SYNE3: variants seen among roughly 807,000 people sequenced by gnomAD.
The protein encoded by SYNE3 is nesprin-3.
Under a neutral mutation model 111.2 loss-of-function variants are expected in SYNE3, and 100 were observed. The ratio of observed to expected loss-of-function variants is 0.90; its 90% CI spans 0.77 to 1.06. The LOEUF is 1.06. Ranked by LOEUF, SYNE3 falls within the 50% of genes least tolerant of loss-of-function variation. SYNE3 has a pLI of 0.00. For missense variants in SYNE3, 1,160 were observed against 1,240.3 expected (o/e 0.94, Z 0.97); for synonymous variants, 547 against 533.9 (o/e 1.02, Z -0.34).
chr14:95,480,861 T>G (rs573567143), intron 1 of SYNE3, among the ~76,000 whole-genome samples: 22 of 152,328 alleles, frequency 1.4e-4, no homozygotes, highest in Admixed American at 8.5e-4. Flanking sequence ...CCACCCCGTT[T>G]GGGCCTCCTG....
At chr14:95,494,940 C>T (rs953567979) in intron 1 of SYNE3, among the ~76,000 whole-genome samples, 13 of 151,954 alleles carry the variant, frequency 8.6e-5, no homozygotes, top group African/African-American at 2.4e-4. Flanking sequence ...GGTGAAACCC[C>T]GTCTCTACTA....
At chr14:95,438,591 G>A (rs1257222646) in intron 14 of SYNE3, 2 of 169,116 alleles carry the variant, frequency 1.2e-5, no homozygotes, top group Non-Finnish European at 2.6e-5. Flanking sequence ...TGAATAACAA[G>A]GAATAACTTT....
chr14:95,440,448 CG>C (rs1886354144), intron 11 of SYNE3, among the ~76,000 whole-genome samples: 1 of 152,168 alleles, frequency 6.6e-6, no homozygotes, highest in Non-Finnish European at 1.5e-5. Context: ...ATTCCACTCC[CG>C]GTGTATGTCC....
At chr14:95,487,069 C>T (rs1053854641) in intron 1 of SYNE3, among the ~76,000 whole-genome samples, 1 of 152,182 alleles carries the variant, frequency 6.6e-6, no homozygotes, top group South Asian at 2.1e-4. Flanking sequence ...GTCCTTCCCC[C>T]ACTCTGCCCC....
In SYNE3 at chr14:95,409,516, T is replaced by G. The variant is rs1903378863; in HGVS notation, c.*8310A>C. On this transcript the variant is annotated 3_prime_UTR_variant, in exon 18 of 18. Coordinates refer to ENST00000682763, the MANE Select transcript of SYNE3 (RefSeq NM_152592.6). Reference sequence around the variant, plus strand: ...CCGAGGTCCCTCCTTATGATTGCTGTCTCTCGGCTGGACAAGGTGGTTGGG... The same window carrying G: ...CCGAGGTCCCTCCTTATGATTGCTGGCTCTCGGCTGGACAAGGTGGTTGGG... 1 of 399,770 alleles carries G rather than the reference T, an allele frequency of 2.5e-6. No individual in the cohort carries two copies. Among genetic ancestry groups the G allele is most frequent in the South Asian group, 1.9e-5 (1 of 52,954 alleles). The allele number at this position is 399,770 out of a possible 1,614,324, so 24.8% of individuals were successfully genotyped here. A position where few individuals can be genotyped will look rare whatever the true frequency, so the allele number is the denominator to read the frequency against.
chr14:95,480,058 T>A (rs1226842661), intron 1 of SYNE3, among the ~76,000 whole-genome samples: 9 of 133,032 alleles, frequency 6.8e-5, no homozygotes, highest in African/African-American at 3.0e-4. Context: ...GATTAAAAAA[T>A]AAATAAATAA....
At chr14:95,499,492 C>T (rs995882938) in intron 1 of SYNE3, among the ~76,000 whole-genome samples, 22 of 152,144 alleles carry the variant, frequency 1.4e-4, no homozygotes, top group African/African-American at 5.1e-4. Flanking sequence ...TGGCTACATT[C>T]ACCCATTGGC....
At chr14:95,451,461 A>T (rs1182839066) in intron 7 of SYNE3, 1 of 152,076 alleles carries the variant, frequency 6.6e-6, no homozygotes, top group Admixed American at 6.6e-5. Context: ...ACCCTTGGCC[A>T]CTCTGTCTCC....
At chr14:95,438,614 G>A in intron 14 of SYNE3, 1 of 173,296 alleles carries the variant, frequency 5.8e-6, no homozygotes, top group Non-Finnish European at 1.3e-5. Flanking sequence ...TTTCCACAAA[G>A]CTCAAGTTTG....
rs2139314765 is a variant in SYNE3, at chr14:95,409,435, T to C, written c.*8391A>G. 1 of 453,932 alleles carries C rather than the reference T, an allele frequency of 2.2e-6. No homozygotes were observed. The highest frequency in any genetic ancestry group is 4.4e-6 in the Non-Finnish European group (1 of 225,734). 28.1% of individuals were successfully genotyped at this position (453,932 alleles called of 1,614,324 possible). ...GGATGGGCTGGCCTGGTGTTCCTGG[T>C]TGCTGAGCTCAGAAGCAAGCGTTTC... On this transcript the variant is annotated 3_prime_UTR_variant, in exon 18 of 18. Transcript: ENST00000682763.
At chr14:95,488,754 G>GGAGAGGAGA (rs1889689175) in intron 1 of SYNE3, among the ~76,000 whole-genome samples, 1 of 98,880 alleles carries the variant, frequency 1.0e-5, no homozygotes, top group African/African-American at 3.6e-5. Context: ...AGGAGAGGAG[G>GGAGAGGAGA]GACTGCAAAA....
At position 95,410,481 on chromosome 14, in the gene SYNE3, G is replaced by A; in HGVS notation, c.*7345C>T. On this transcript the variant is annotated 3_prime_UTR_variant, in exon 18 of 18. Coordinates refer to ENST00000682763, the MANE Select transcript of SYNE3 (RefSeq NM_152592.6). ...GATGAGAACGGAAGTGGCTGGTGGAGCTTCTGGGAAAGCTGCTAATGAGGA... is the reference window on the plus strand; with the variant it reads ...GATGAGAACGGAAGTGGCTGGTGGAACTTCTGGGAAAGCTGCTAATGAGGA... The A allele has an allele frequency of 6.6e-6, 1 of 152,266 alleles. No homozygotes were observed. Among genetic ancestry groups the A allele is most frequent in the East Asian group, 1.9e-4 (1 of 5,194 alleles). 9.4% of individuals were successfully genotyped at this position (152,266 alleles called of 1,614,324 possible). A position where few individuals can be genotyped will look rare whatever the true frequency, so the allele number is the denominator to read the frequency against.
rs1375870750 is a variant in SYNE3 at position 95,411,583 on chromosome 14, G to C, written c.*6243C>G. ...CACACCTCCCTCCAATGCTGACCTA[G>C]ACTGGTGACAATGAGATTGGGGTGA... On this transcript the variant is annotated 3_prime_UTR_variant, in exon 18 of 18. Transcript: ENST00000682763. 6.6e-6 allele frequency: 1 copy of C among 152,250 alleles called. No individual in the cohort carries two copies. The allele number at this position is 152,250 out of a possible 1,614,324, so 9.4% of individuals were successfully genotyped here.
intron 1 of SYNE3, among the ~76,000 whole-genome samples, chr14:95,480,790 A>G (rs373448345): frequency 2.0e-5 from 3 of 152,190 alleles, no homozygotes; most frequent in Non-Finnish European, 1.5e-5. Context: ...CATGGAAGAG[A>G]AGGTGCTAAC....
intron 1 of SYNE3, among the ~76,000 whole-genome samples, chr14:95,476,387 GC>G (rs796142819): frequency 2.6e-5 from 4 of 152,326 alleles, no homozygotes; most frequent in African/African-American, 9.6e-5. Context: ...GGCAGGTCCT[GC>G]TAAAGTTACC....
At chr14:95,480,377 A>G (rs8016357) in intron 1 of SYNE3, among the ~76,000 whole-genome samples, 5,820 of 151,668 alleles carry the variant, frequency 0.038, 125 homozygotes, top group Middle Eastern at 0.068. Context: ...ATCACAAATG[A>G]CAGCGGAAGA....
chr14:95,465,942 C>A lies in SYNE3; in HGVS notation c.616G>T (p.Ala206Ser), dbSNP rs779406180. The A allele has an allele frequency of 3.2e-6, 5 of 1,576,270 alleles. No homozygotes were observed. The highest frequency in any genetic ancestry group is 4.3e-6 in the Non-Finnish European group (5 of 1,151,748). ...RMKAEYDAVK[A>S]KAQKRVDLLE... is the part of the protein sequence containing the mutation. Reference sequence around the variant, plus strand: ...AGCCTCACCCTCACCTGGGCCTTGGCCTTCACTGCATCGTACTCAGCCTTC... The same window carrying A: ...AGCCTCACCCTCACCTGGGCCTTGGACTTCACTGCATCGTACTCAGCCTTC... The change falls in exon 4 of 18, where the codon GCC (alanine) becomes TCC (serine). Residue 206 changes from alanine (A) to serine (S), a missense_variant. Coordinates refer to ENST00000682763, the MANE Select transcript of SYNE3 (RefSeq NM_152592.6).
At chr14:95,503,373 T>A (rs143433893) in intron 1 of SYNE3, among the ~76,000 whole-genome samples, 1 of 152,258 alleles carries the variant, frequency 6.6e-6, no homozygotes, top group Admixed American at 6.5e-5. Context: ...TTGGGCTCAG[T>A]CTTACAAGGA....
chr14:95,512,867 A>G (rs1890772497), intron 1 of SYNE3, among the ~76,000 whole-genome samples: 1 of 152,158 alleles, frequency 6.6e-6, no homozygotes, highest in Non-Finnish European at 1.5e-5. Flanking sequence ...CAAAAAATAA[A>G]TAAATACATA....
Sources: gnomAD v4.1 joint callset for allele counts (sites outside exome capture counted in the v4.1 genomes callset) on GRCh38, gnomAD v4.1.1 for gene constraint, MANE v1.5 for transcripts, NCBI Gene and HGNC (gene_info 2026-07-23, HGNC 2026-07-21) for gene names.